Variants in CNTNAP2 observed in about 807,000 individuals in gnomAD.
CNTNAP2 encodes contactin associated protein 2.
CNTNAP2 carries 98 observed loss-of-function variants against 155.2 expected under a neutral mutation model. The observed-to-expected ratio is 0.63, with a 90% confidence interval of 0.54 to 0.75. The LOEUF (loss-of-function observed/expected upper bound fraction) is 0.75. Ranked by LOEUF, CNTNAP2 falls within the 30% of genes least tolerant of loss-of-function variation. The pLI, the probability that CNTNAP2 is intolerant of heterozygous loss-of-function variation, is 0.00. For missense variants in CNTNAP2, 1,727 were observed against 1,688.1 expected (o/e 1.02, Z -0.40); for synonymous variants, 651 against 631.2 (o/e 1.03, Z -0.47).
rs188277486 is a variant in CNTNAP2 at position 147,019,082 on chromosome 7, C to A, written c.403-24825C>A. Among the ~76,000 whole-genome samples, 11 of 152,104 alleles carry A rather than the reference C, an allele frequency of 7.2e-5. No individual in the cohort carries two copies. The East Asian group carries it at 2.1e-3, about 29-fold the overall frequency. The stretch of plus-strand genomic sequence containing the variant: ...GTTAAAAAATATAGTTTATGGAAAT[C>A]ATTATTTGTTGTTTTAGTAATCCCT... On this transcript the variant is annotated intron_variant, in intron 3 of 23. Transcript: ENST00000361727.
chr7:147,380,249 A>T (rs1244840688), intron 9 of CNTNAP2, among the ~76,000 whole-genome samples: 1 of 151,768 alleles, frequency 6.6e-6, no homozygotes, highest in Admixed American at 6.6e-5. Context: ...CAGAATAGAC[A>T]TTATAATCTT....
At chr7:147,891,217 T>G (rs182151392) in intron 13 of CNTNAP2, among the ~76,000 whole-genome samples, 1,665 of 151,672 alleles carry the variant, frequency 0.011, 86 homozygotes, top group Admixed American at 0.091. Flanking sequence ...ATTTTTTTTT[T>G]TTTTTGAGAC....
chr7:147,051,835 G>T (rs558957920), intron 4 of CNTNAP2, among the ~76,000 whole-genome samples: 2 of 152,136 alleles, frequency 1.3e-5, no homozygotes, highest in African/African-American at 4.8e-5. Flanking sequence ...GTGCAAATCT[G>T]ACCATATTAC....
intron 1 of CNTNAP2, among the ~76,000 whole-genome samples, chr7:146,584,003 G>T (rs559097202): frequency 1.4e-4 from 21 of 152,178 alleles, no homozygotes; most frequent in African/African-American, 5.1e-4. Context: ...CCCTGATGTA[G>T]ATTATAAATC....
At chr7:147,066,138 G>A (rs1799775626) in intron 4 of CNTNAP2, among the ~76,000 whole-genome samples, 2 of 152,142 alleles carry the variant, frequency 1.3e-5, no homozygotes, top group Admixed American at 6.6e-5. Flanking sequence ...AGGCAACAAA[G>A]GTCACACTGA....
At chr7:147,378,694 A>T (rs951093855) in intron 9 of CNTNAP2, among the ~76,000 whole-genome samples, 2 of 152,122 alleles carry the variant, frequency 1.3e-5, no homozygotes, top group Non-Finnish European at 2.9e-5. Context: ...GTTTGATAGT[A>T]CAACAAGGTA....
intron 3 of CNTNAP2, among the ~76,000 whole-genome samples, chr7:146,983,615 G>T (rs1295108201): frequency 6.6e-6 from 1 of 152,160 alleles, no homozygotes; most frequent in Non-Finnish European, 1.5e-5. Context: ...GAAAAGCAGA[G>T]TATGTATGGG....
At chr7:147,538,237 G>A (rs1799581887) in intron 11 of CNTNAP2, among the ~76,000 whole-genome samples, 1 of 152,192 alleles carries the variant, frequency 6.6e-6, no homozygotes, top group African/African-American at 2.4e-5. Flanking sequence ...GGTTGTTGGT[G>A]AATGAAAATT....
chr7:146,244,396 G>T (rs1056228251), intron 1 of CNTNAP2, among the ~76,000 whole-genome samples: 1 of 152,070 alleles, frequency 6.6e-6, no homozygotes, highest in African/African-American at 2.4e-5. Flanking sequence ...CAAGTTTTTT[G>T]GGGGCACAGT....
intron 10 of CNTNAP2, among the ~76,000 whole-genome samples, chr7:147,438,073 T>G (rs1643002269): frequency 6.6e-6 from 1 of 152,146 alleles, no homozygotes; most frequent in Non-Finnish European, 1.5e-5. Context: ...ATAATTTGAC[T>G]TCTTCCATTC....
intron 12 of CNTNAP2, among the ~76,000 whole-genome samples, chr7:147,594,937 G>A (rs1271846164): frequency 6.6e-6 from 1 of 152,008 alleles, no homozygotes; most frequent in Non-Finnish European, 1.5e-5. Context: ...GATGGGAGAG[G>A]AGATAGGAAG....
intron 8 of CNTNAP2, among the ~76,000 whole-genome samples, chr7:147,254,248 GC>G (rs1804269596): frequency 6.6e-6 from 1 of 152,044 alleles, no homozygotes; most frequent in African/African-American, 2.4e-5. Flanking sequence ...ATTCTTGCTC[GC>G]CTTTTCCTTG....
chr7:147,575,107 ATGTGTGTGTGTGTGTGTGTGTGTGTG>A (rs754922892), intron 12 of CNTNAP2, among the ~76,000 whole-genome samples: 1 of 94,066 alleles, frequency 1.1e-5, no homozygotes, highest in African/African-American at 3.9e-5. Flanking sequence ...TTTGTGGGAA[ATGTGTGTGTGTGTGTGTGTGTGTGTG>A]TGTGTGTGTG....
At chr7:148,041,348 C>T (rs762186656) in intron 15 of CNTNAP2, among the ~76,000 whole-genome samples, 5 of 152,174 alleles carry the variant, frequency 3.3e-5, no homozygotes, top group Admixed American at 6.5e-5. Flanking sequence ...CTGTCATGTG[C>T]ATGGAGATGT....
rs549874037 is a variant in CNTNAP2, at chr7:147,297,133, C to T, written c.1349-3008C>T. ...TACCCTTAGAATGAGTCATATTGCA[C>T]ATTACCGTGTAGAGCTGAGAAGCCA... On this transcript the variant is annotated intron_variant, in intron 8 of 23. Coordinates refer to ENST00000361727, the MANE Select transcript of CNTNAP2 (RefSeq NM_014141.6). 3.9e-5 allele frequency among the ~76,000 whole-genome samples: 6 copies of T among 152,282 alleles called. No individual in the cohort carries two copies. The East Asian group carries it at 7.7e-4, about 20-fold the overall frequency.
chr7:146,764,607 G>A (rs1017427936), intron 1 of CNTNAP2, among the ~76,000 whole-genome samples: 2 of 151,562 alleles, frequency 1.3e-5, no homozygotes, highest in Non-Finnish European at 2.9e-5. Context: ...TGATTCATCT[G>A]TTATACCATC....
intron 1 of CNTNAP2, among the ~76,000 whole-genome samples, chr7:146,699,081 C>T (rs1472975421): frequency 3.9e-5 from 6 of 151,948 alleles, no homozygotes; most frequent in South Asian, 2.1e-4. Context: ...ATTTTAAATT[C>T]CCAGTTCAAT....
chr7:148,059,590 CAAA>C (rs200397254), intron 15 of CNTNAP2, among the ~76,000 whole-genome samples: 2 of 72,744 alleles, frequency 2.7e-5, no homozygotes, highest in Non-Finnish European at 3.1e-5. Context: ...AACTCTGTCT[CAAA>C]AAAAAAAAAA....
chr7:146,474,493 G>A (rs750991528), intron 1 of CNTNAP2, among the ~76,000 whole-genome samples: 1 of 150,204 alleles, frequency 6.7e-6, no homozygotes, highest in Non-Finnish European at 1.5e-5. Context: ...GAATGCTGTT[G>A]TTCTTCACAT....
Sources: gnomAD v4.1 joint callset for allele counts (sites outside exome capture counted in the v4.1 genomes callset) on GRCh38, gnomAD v4.1.1 for gene constraint, MANE v1.5 for transcripts, NCBI Gene and HGNC (gene_info 2026-07-23, HGNC 2026-07-21) for gene names.